The following CHCHD6 variants were observed in gnomAD, a reference collection of about 807,000 sequenced individuals.
CHCHD6 encodes the protein coiled-coil-helix-coiled-coil-helix domain containing 6, also known as MICOS complex subunit MIC25.
Under a neutral mutation model 32.3 loss-of-function variants are expected in CHCHD6, and 28 were observed. That is an observed-to-expected ratio of 0.87 (90% CI 0.64 to 1.19). The LOEUF is 1.19. Among genes scored for constraint, CHCHD6 ranks in the 50% most tolerant of loss-of-function variants. The pLI, the probability that CHCHD6 is intolerant of heterozygous loss-of-function variation, is 0.00. For synonymous variants in CHCHD6, 122 were observed against 117.5 expected, an observed-to-expected ratio of 1.04 and a Z score of -0.25; for missense variants, 333 against 307.0, an observed-to-expected ratio of 1.08 and a Z score of -0.63.
chr3:126,895,177 T>C (rs2077820752), intron 5 of CHCHD6, among the ~76,000 whole-genome samples: 1 of 152,232 alleles, frequency 6.6e-6, no homozygotes, highest in South Asian at 2.1e-4. Context: ...GCTAAAATCG[T>C]AGATTCTTCA....
intron 4 of CHCHD6, among the ~76,000 whole-genome samples, chr3:126,743,347 C>G (rs1019311692): frequency 1.3e-5 from 2 of 152,174 alleles, no homozygotes; most frequent in Non-Finnish European, 2.9e-5. Context: ...ATTACCAAAT[C>G]ACAGGTCTGC....
intron 2 of CHCHD6, among the ~76,000 whole-genome samples, chr3:126,728,860 G>T (rs6804841): frequency 6.6e-6 from 1 of 152,054 alleles, no homozygotes; most frequent in African/African-American, 2.4e-5. Flanking sequence ...TAAATGATAG[G>T]TGTAAGTTTT....
chr3:126,828,927 C>T (rs1212393059), intron 4 of CHCHD6, among the ~76,000 whole-genome samples: 1 of 152,070 alleles, frequency 6.6e-6, no homozygotes, highest in African/African-American at 2.4e-5. Flanking sequence ...TTCAAAGAAC[C>T]AATTTTTGAC....
At chr3:126,851,501 C>T (rs1234344878) in intron 4 of CHCHD6, among the ~76,000 whole-genome samples, 3 of 152,182 alleles carry the variant, frequency 2.0e-5, no homozygotes, top group Admixed American at 6.5e-5. Flanking sequence ...AATACCTGAG[C>T]GCACACAGCC....
chr3:126,865,699 A>G (rs913660684), intron 5 of CHCHD6: 3 of 985,068 alleles, frequency 3.0e-6, no homozygotes, highest in Admixed American at 6.2e-5. Flanking sequence ...ACCACCACAT[A>G]TTACCCTCTT....
At chr3:126,839,860 G>A (rs554551410) in intron 4 of CHCHD6, among the ~76,000 whole-genome samples, 29 of 152,186 alleles carry the variant, frequency 1.9e-4, no homozygotes, top group African/African-American at 6.5e-4. Flanking sequence ...ATGGTTTTTA[G>A]TGTGTTCATT....
intron 5 of CHCHD6, among the ~76,000 whole-genome samples, chr3:126,882,078 G>A (rs563900261): frequency 2.0e-5 from 3 of 152,298 alleles, no homozygotes; most frequent in East Asian, 1.9e-4. Flanking sequence ...TTGTTATCTC[G>A]GAACTCCAAA....
At chr3:126,861,220 A>G (rs990591909) in intron 5 of CHCHD6, among the ~76,000 whole-genome samples, 1 of 152,062 alleles carries the variant, frequency 6.6e-6, no homozygotes, top group Non-Finnish European at 1.5e-5. Context: ...GCCTCCTTGC[A>G]TCCCTGTCCA....
intron 4 of CHCHD6, among the ~76,000 whole-genome samples, chr3:126,747,869 G>A (rs1936566847): frequency 6.6e-6 from 1 of 152,166 alleles, no homozygotes; most frequent in African/African-American, 2.4e-5. Flanking sequence ...GGGGCCGCTA[G>A]AGGCTGGATG....
chr3:126,777,327 C>T (rs1937697692), intron 4 of CHCHD6, among the ~76,000 whole-genome samples: 1 of 152,172 alleles, frequency 6.6e-6, no homozygotes, highest in Non-Finnish European at 1.5e-5. Context: ...CAGTTCAGTA[C>T]ACTCAGTTTT....
chr3:126,771,499 A>G (rs1295028024), intron 4 of CHCHD6, among the ~76,000 whole-genome samples: 1 of 151,872 alleles, frequency 6.6e-6, no homozygotes, highest in Admixed American at 6.6e-5. Context: ...ATGAACCACC[A>G]CGCCTGGCCC....
intron 6 of CHCHD6, among the ~76,000 whole-genome samples, chr3:126,922,123 C>G (rs1369195687): frequency 6.6e-6 from 1 of 152,170 alleles, no homozygotes; most frequent in Non-Finnish European, 1.5e-5. Flanking sequence ...CAAATCAAAA[C>G]CAGTTTGATA....
At chr3:126,931,181 C>A (rs1027659199) in intron 6 of CHCHD6, among the ~76,000 whole-genome samples, 40 of 152,212 alleles carry the variant, frequency 2.6e-4, no homozygotes, top group African/African-American at 8.7e-4. Context: ...ACTGGCCGCA[C>A]CCCTGGGGAC....
At chr3:126,712,540 G>A (rs990910942) in intron 1 of CHCHD6, among the ~76,000 whole-genome samples, 25 of 152,246 alleles carry the variant, frequency 1.6e-4, no homozygotes, top group Admixed American at 7.8e-4. Flanking sequence ...GAAAGTAAAC[G>A]TGCTGCACTG....
intron 4 of CHCHD6, among the ~76,000 whole-genome samples, chr3:126,759,147 AATC>A (rs1937073783): frequency 6.6e-6 from 1 of 152,144 alleles, no homozygotes; most frequent in African/African-American, 2.4e-5. Flanking sequence ...GTGTTCTTGT[AATC>A]CAGTGGTTAG....
intron 1 of CHCHD6, among the ~76,000 whole-genome samples, chr3:126,711,038 G>A (rs947058425): frequency 6.6e-6 from 1 of 152,182 alleles, no homozygotes; most frequent in Non-Finnish European, 1.5e-5. Context: ...ATCATTAAGT[G>A]TGTTAGGTGT....
At chr3:126,902,271 T>C (rs1237675062) in intron 5 of CHCHD6, among the ~76,000 whole-genome samples, 1 of 152,162 alleles carries the variant, frequency 6.6e-6, no homozygotes, top group Non-Finnish European at 1.5e-5. Context: ...GTATTGCCAG[T>C]GCACGGCCAG....
At chr3:126,823,062 C>T (rs903783080) in intron 4 of CHCHD6, among the ~76,000 whole-genome samples, 1 of 152,030 alleles carries the variant, frequency 6.6e-6, no homozygotes, top group Non-Finnish European at 1.5e-5. Context: ...CACATCACCA[C>T]ACCCTGCCAG....
chr3:126,804,195 G>T (rs1487888839), intron 4 of CHCHD6, among the ~76,000 whole-genome samples: 4 of 152,086 alleles, frequency 2.6e-5, no homozygotes, highest in African/African-American at 9.6e-5. Context: ...CTAGCAGAAG[G>T]CAAGAAATAA....
Sources: gnomAD v4.1 joint callset for allele counts (sites outside exome capture counted in the v4.1 genomes callset) on GRCh38, gnomAD v4.1.1 for gene constraint, MANE v1.5 for transcripts, NCBI Gene and HGNC (gene_info 2026-07-23, HGNC 2026-07-21) for gene names.